Variants in ATG7 observed in about 807,000 individuals in gnomAD.
The protein encoded by ATG7 is autophagy related 7, also known as ubiquitin-like modifier-activating enzyme ATG7.
In ATG7, 70 loss-of-function variants were observed where a neutral mutation model predicts 82.4. The observed-to-expected ratio is 0.85, with a 90% CI of 0.70 to 1.04. The LOEUF is 1.04. Ranked by LOEUF, ATG7 falls within the 50% of genes least tolerant of loss-of-function variation. ATG7 has a pLI of 0.00. For missense variants in ATG7, 792 were observed against 864.3 expected (o/e 0.92, Z 1.05); for synonymous variants, 287 against 313.0 (o/e 0.92, Z 0.88).
At chr3:11,307,162 G>C (rs762359940) in intron 6 of ATG7, 102 bp downstream of exon 6, 3 of 1,065,642 alleles carry the variant, frequency 2.8e-6, no homozygotes, top group Non-Finnish European at 2.9e-6. Flanking sequence ...ACTGGCATAT[G>C]AAGGGAACTT....
At chr3:11,498,542 T>G (rs1455952920) in intron 20 of ATG7, among the ~76,000 whole-genome samples, 1 of 152,206 alleles carries the variant, frequency 6.6e-6, no homozygotes, top group Admixed American at 6.5e-5. Context: ...TCCAAAAACA[T>G]TGGTTTTCAC....
chr3:11,461,380 C>G (rs1330449882), intron 20 of ATG7, among the ~76,000 whole-genome samples: 3 of 152,154 alleles, frequency 2.0e-5, no homozygotes, highest in Non-Finnish European at 4.4e-5. Context: ...CCTTTGTATT[C>G]AGAGAGCTTT....
chr3:11,480,340 C>A (rs916067027), intron 20 of ATG7, among the ~76,000 whole-genome samples: 1 of 152,096 alleles, frequency 6.6e-6, no homozygotes, highest in Admixed American at 6.5e-5. Context: ...GAGTTCAAGA[C>A]CAGCTGGGCA....
At chr3:11,398,516 A>C (rs538893535) in intron 19 of ATG7, among the ~76,000 whole-genome samples, 15 of 152,360 alleles carry the variant, frequency 9.8e-5, no homozygotes, top group African/African-American at 3.4e-4. Context: ...AACTATTTTA[A>C]CTGAATGATT....
intron 19 of ATG7, among the ~76,000 whole-genome samples, chr3:11,412,763 T>C (rs2081031060): frequency 6.6e-6 from 1 of 152,194 alleles, no homozygotes; most frequent in South Asian, 2.1e-4. Context: ...AATCTGTAGA[T>C]TTCCTTGGGT....
chr3:11,530,832 T>C (rs2092680934), intron 20 of ATG7, among the ~76,000 whole-genome samples: 1 of 152,016 alleles, frequency 6.6e-6, no homozygotes, highest in Admixed American at 6.6e-5. Context: ...AATACAAAAA[T>C]TAGCCAGGCG....
chr3:11,495,945 T>C (rs1255508276), intron 20 of ATG7, among the ~76,000 whole-genome samples: 1 of 152,210 alleles, frequency 6.6e-6, no homozygotes, highest in Non-Finnish European at 1.5e-5. Flanking sequence ...TACTATATTG[T>C]GTCATTTTCA....
intron 20 of ATG7, among the ~76,000 whole-genome samples, chr3:11,494,232 A>G (rs766675122): frequency 3.3e-5 from 5 of 152,218 alleles, no homozygotes; most frequent in Non-Finnish European, 7.3e-5. Flanking sequence ...ATGAAACTAC[A>G]TGCAGGAAAA....
chr3:11,420,535 T>C (rs774019534), intron 19 of ATG7, among the ~76,000 whole-genome samples: 58 of 152,190 alleles, frequency 3.8e-4, no homozygotes, highest in Non-Finnish European at 6.0e-4. Context: ...TGTTCTTTTG[T>C]CTTACTGGAA....
chr3:11,473,198 T>G (rs1489366921), intron 20 of ATG7, among the ~76,000 whole-genome samples: 2 of 152,192 alleles, frequency 1.3e-5, no homozygotes, highest in Admixed American at 1.3e-4. Context: ...TTCTTCCCAT[T>G]GATAGCTTTT....
At chr3:11,289,467 T>G (rs1337602368) in intron 3 of ATG7, among the ~76,000 whole-genome samples, 1 of 152,232 alleles carries the variant, frequency 6.6e-6, no homozygotes, top group East Asian at 1.9e-4. Context: ...ACTTTTCTGT[T>G]TTCAGCCTGT....
chr3:11,489,917 T>C lies in ATG7; in HGVS notation c.2079+62991T>C, dbSNP rs546046364. Among the ~76,000 whole-genome samples the C allele has an allele frequency of 9.1e-4, 139 of 151,990 alleles. 1 individual carries two copies. The highest frequency in any genetic ancestry group is 8.1e-4 in the Non-Finnish European group (55 of 67,892). On this transcript the variant is annotated intron_variant, in intron 20 of 20. Coordinates refer to ENST00000693202, the MANE Select transcript of ATG7 (RefSeq NM_001349232.2). The stretch of plus-strand genomic sequence containing the variant: ...TCCAAGTATGTGGTCAATGTTGGAA[T>C]AGGTGTGGTGTGGTGCTGAAAAAAA...
At chr3:11,439,377 T>TA (rs2083671302) in intron 20 of ATG7, among the ~76,000 whole-genome samples, 1 of 152,178 alleles carries the variant, frequency 6.6e-6, no homozygotes, top group South Asian at 2.1e-4. Flanking sequence ...CCTGAGCTCT[T>TA]AGTCTTGATC....
intron 20 of ATG7, among the ~76,000 whole-genome samples, chr3:11,467,792 G>T (rs747626648): frequency 1.4e-4 from 22 of 152,122 alleles, no homozygotes; most frequent in Non-Finnish European, 2.9e-4. Flanking sequence ...CCCCATAAAG[G>T]CAAAGACATT....
chr3:11,464,777 C>CT (rs1310614464), intron 20 of ATG7, among the ~76,000 whole-genome samples: 2 of 152,194 alleles, frequency 1.3e-5, no homozygotes, highest in Non-Finnish European at 2.9e-5. Context: ...GTCTGACCCC[C>CT]TATTTTCAAA....
intron 8 of ATG7, 101 bp from the exon 9 acceptor site, chr3:11,315,243 C>G: frequency 9.1e-7 from 1 of 1,103,370 alleles, no homozygotes; most frequent in East Asian, 2.7e-5. Context: ...TCAGTCATTT[C>G]TAGTCTTCTG....
At chr3:11,508,335 TAA>T (rs11324728) in intron 20 of ATG7, among the ~76,000 whole-genome samples, 462 of 144,636 alleles carry the variant, frequency 3.2e-3, no homozygotes, top group East Asian at 7.3e-3. Context: ...CTGATGAGCT[TAA>T]AAAAAAAAAA....
intron 20 of ATG7, among the ~76,000 whole-genome samples, chr3:11,481,076 C>T (rs935081069): frequency 6.6e-6 from 1 of 152,212 alleles, no homozygotes; most frequent in African/African-American, 2.4e-5. Flanking sequence ...ATAGTTGATC[C>T]TCTTGTATGA....
Position 11,382,400 on chromosome 3 carries a change from T to G in ATG7, c.1956+2348T>G, listed in dbSNP as rs145814321. The stretch of plus-strand genomic sequence containing the variant: ...GCAGGAAAGTTGGAACATTTATCCA[T>G]AAATCATTTCTTATCCTATGTGATC... On this transcript the variant is annotated intron_variant, in intron 19 of 20. Transcript: ENST00000693202. Among the ~76,000 whole-genome samples, 732 of 152,364 alleles carry G rather than the reference T, an allele frequency of 4.8e-3. 2 individuals are homozygous for G. Among genetic ancestry groups the G allele is most frequent in the African/African-American group, 0.016 (680 of 41,574 alleles).
Sources: allele counts gnomAD v4.1 joint callset (sites outside exome capture counted in the v4.1 genomes callset), GRCh38; gene constraint gnomAD v4.1.1; transcripts MANE v1.5; gene names NCBI Gene and HGNC (gene_info 2026-07-23, HGNC 2026-07-21).